The following DIAPH1 variants were observed in gnomAD, a reference collection of about 807,000 sequenced individuals.
The protein encoded by DIAPH1 is protein diaphanous homolog 1.
In DIAPH1, 46 loss-of-function variants were observed where a neutral mutation model predicts 140.7. That is an observed-to-expected ratio of 0.33 (90% CI 0.26 to 0.42). DIAPH1 has a LOEUF of 0.42. Among genes scored for constraint, DIAPH1 ranks in the 10% least tolerant of loss-of-function variants. The probability of loss-of-function intolerance (pLI) is 1.00; values close to 1 mark genes in which losing one functional copy is unlikely to be tolerated. For synonymous variants in DIAPH1, 565 were observed against 551.6 expected (o/e 1.02, Z -0.34); for missense variants, 1,310 against 1,558.7 (o/e 0.84, Z 2.69).
chr5:141,596,754 C>T (rs893364807), intron 1 of DIAPH1, among the ~76,000 whole-genome samples: 2 of 152,182 alleles, frequency 1.3e-5, no homozygotes, highest in Non-Finnish European at 2.9e-5. Context: ...ATCCTACCCA[C>T]GCACCTAGAG....
At chr5:141,570,028 A>G (rs186704264) in intron 18 of DIAPH1, among the ~76,000 whole-genome samples, 20 of 152,244 alleles carry the variant, frequency 1.3e-4, no homozygotes, top group Middle Eastern at 3.4e-3. Context: ...CCACTTTGGT[A>G]TTTTAAAAAA....
chr5:141,547,881 G>A (rs1036679691), intron 18 of DIAPH1, among the ~76,000 whole-genome samples: 61 of 152,106 alleles, frequency 4.0e-4, no homozygotes, highest in African/African-American at 1.4e-3. Flanking sequence ...TAGTAAAACT[G>A]CTAAAAATCA....
At chr5:141,593,950 C>T (rs543380813) in intron 1 of DIAPH1, among the ~76,000 whole-genome samples, 1 of 152,206 alleles carries the variant, frequency 6.6e-6, no homozygotes. Context: ...CAGGCGCATG[C>T]CACCACACGT....
At position 141,515,690 on chromosome 5, in the gene DIAPH1, T is replaced by TA. The variant is rs1246815425; in HGVS notation, c.*1160dup. ...ACATTTATAAAAAACTCTGTGGTCT[T>TA]AGAGTTCCTGCTACTCTTAGGCCTG... On this transcript the variant is annotated 3_prime_UTR_variant, in exon 28 of 28. Coordinates refer to ENST00000389054, the MANE Select transcript of DIAPH1 (RefSeq NM_005219.5). The TA allele has an allele frequency of 2.0e-5, 3 of 152,210 alleles. No homozygotes were observed. Among genetic ancestry groups the TA allele is most frequent in the Non-Finnish European group, 4.4e-5 (3 of 68,034 alleles). The allele number at this position is 152,210 out of a possible 1,614,324, so 9.4% of individuals were successfully genotyped here. A position where few individuals can be genotyped will look rare whatever the true frequency, so the allele number is the denominator to read the frequency against.
chr5:141,521,110 C>T (rs185569753), intron 27 of DIAPH1, among the ~76,000 whole-genome samples: 2 of 152,250 alleles, frequency 1.3e-5, no homozygotes, highest in East Asian at 3.9e-4. Flanking sequence ...CCGTGTTAGT[C>T]ACCTTATCTG....
chr5:141,588,335 G>A (rs555202005), intron 1 of DIAPH1, 85 bp from the exon 2 acceptor site: 350 of 981,430 alleles, frequency 3.6e-4, no homozygotes, highest in Non-Finnish European at 5.3e-4. Flanking sequence ...ACGGGTTGGG[G>A]AAAAGAGGGA....
chr5:141,534,801 C>T (rs568076207), intron 18 of DIAPH1, among the ~76,000 whole-genome samples: 1 of 152,192 alleles, frequency 6.6e-6, no homozygotes, highest in Non-Finnish European at 1.5e-5. Context: ...CAGGCACAGA[C>T]AATACATAAA....
chr5:141,534,192 G>C, intron 19 of DIAPH1, 143 bp downstream of exon 19: 1 of 686,742 alleles, frequency 1.5e-6, no homozygotes, highest in Non-Finnish European at 2.6e-6. Flanking sequence ...ACATGATACT[G>C]AAAATTCACT....
At chr5:141,590,115 C>T (rs1393392725) in intron 1 of DIAPH1, among the ~76,000 whole-genome samples, 1 of 152,160 alleles carries the variant, frequency 6.6e-6, no homozygotes, top group Non-Finnish European at 1.5e-5. Context: ...TGCCACAAAG[C>T]TATTTTTCCT....
In DIAPH1 at chr5:141,569,772, T is replaced by TA. The variant is rs527781422; in HGVS notation, c.2482+1655dup. Reference sequence around the variant, plus strand: ...CAACACTCTGTCTCAAAAATAAAAATAAAAATAAAAAAAATAAAAGTAGTT... The same window carrying TA: ...CAACACTCTGTCTCAAAAATAAAAATAAAAAATAAAAAAAATAAAAGTAGTT... On this transcript the variant is annotated intron_variant, in intron 18 of 27. Transcript: ENST00000389054. 1.0e-3 allele frequency among the ~76,000 whole-genome samples: 158 copies of TA among 151,888 alleles called. 1 individual carries two copies. The highest frequency in any genetic ancestry group is 9.8e-3 in the South Asian group (47 of 4,812).
At chr5:141,582,127 G>A in intron 7 of DIAPH1, 185 bp downstream of exon 7, 4 of 395,182 alleles carry the variant, frequency 1.0e-5, no homozygotes, top group South Asian at 5.5e-5. Flanking sequence ...TGAAACAGAA[G>A]TTAGAACTGA....
At chr5:141,586,577 T>A (rs1461139005) in intron 3 of DIAPH1, among the ~76,000 whole-genome samples, 1 of 152,216 alleles carries the variant, frequency 6.6e-6, no homozygotes, top group East Asian at 1.9e-4. Flanking sequence ...GACACAATCT[T>A]TAAAGGTCTT....
intron 18 of DIAPH1, among the ~76,000 whole-genome samples, chr5:141,562,155 A>T (rs959123535): frequency 2.0e-5 from 3 of 152,096 alleles, no homozygotes; most frequent in Non-Finnish European, 4.4e-5. Context: ...TTTTAGGAAG[A>T]TCAAAAGGAC....
intron 9 of DIAPH1, 26 bp downstream of exon 9, chr5:141,579,062 G>A (rs1379171564): frequency 6.5e-7 from 1 of 1,535,716 alleles, no homozygotes; most frequent in Admixed American, 1.7e-5. Flanking sequence ...TCTATTCTTG[G>A]GCCCAGTTTC....
chr5:141,606,717 A>G (rs965881957), intron 1 of DIAPH1, among the ~76,000 whole-genome samples: 9 of 150,014 alleles, frequency 6.0e-5, no homozygotes, highest in African/African-American at 2.0e-4. Context: ...AAAATAACAT[A>G]AGAGTTTTTT....
chr5:141,541,787 GAA>G (rs1229006078), intron 18 of DIAPH1, among the ~76,000 whole-genome samples: 1 of 150,878 alleles, frequency 6.6e-6, no homozygotes, highest in Non-Finnish European at 1.5e-5. Flanking sequence ...TAAATAAATA[GAA>G]AAGAGAAAGA....
chr5:141,554,182 C>G (rs1360332709), intron 18 of DIAPH1, among the ~76,000 whole-genome samples: 2 of 152,110 alleles, frequency 1.3e-5, no homozygotes, highest in Non-Finnish European at 2.9e-5. Flanking sequence ...GAGGCTGAGG[C>G]AGGAGAATCG....
intron 1 of DIAPH1, among the ~76,000 whole-genome samples, chr5:141,592,487 TAACAACAACAACAAC>T (rs200242814): frequency 2.1e-5 from 3 of 143,992 alleles, no homozygotes; most frequent in Non-Finnish European, 4.6e-5. Context: ...CATGACAAGT[TAACAACAACAACAAC>T]AACAACAACA....
intron 26 of DIAPH1, 148 bp from the exon 27 acceptor site, chr5:141,524,377 T>A: frequency 1.3e-6 from 1 of 750,412 alleles, no homozygotes; most frequent in Non-Finnish European, 2.4e-6. Context: ...GAGCTCAGCC[T>A]TAAGTCTCAC....
Sources: gnomAD v4.1 joint callset for allele counts (sites outside exome capture counted in the v4.1 genomes callset) on GRCh38, gnomAD v4.1.1 for gene constraint, MANE v1.5 for transcripts, NCBI Gene and HGNC (gene_info 2026-07-23, HGNC 2026-07-21) for gene names.